Variants in HOOK3 observed in about 807,000 individuals in gnomAD.
HOOK3 encodes hook microtubule tethering protein 3, also known as protein Hook homolog 3.
A neutral mutation model predicts 116.3 loss-of-function variants in HOOK3; 24 were observed. The observed-to-expected ratio is 0.21, with a 90% CI of 0.15 to 0.29. HOOK3 has a LOEUF of 0.29. HOOK3 is among the 10% of genes least tolerant of loss of function. HOOK3 has a pLI of 1.00. For missense variants in HOOK3, 632 were observed against 830.2 expected (o/e 0.76, Z 2.93); for synonymous variants, 275 against 283.0 (o/e 0.97, Z 0.28).
intron 3 of HOOK3, among the ~76,000 whole-genome samples, chr8:42,925,978 T>G (rs1217945214): frequency 6.6e-6 from 1 of 152,212 alleles, no homozygotes; most frequent in African/African-American, 2.4e-5. Flanking sequence ...GAGTTAATAT[T>G]ATGCCAAGTA....
chr8:42,918,217 A>T (rs2130344301), intron 2 of HOOK3, among the ~76,000 whole-genome samples: 1 of 152,298 alleles, frequency 6.6e-6, no homozygotes, highest in South Asian at 2.1e-4. Context: ...GGATGATTGT[A>T]GTCCCAGCTA....
intron 8 of HOOK3, among the ~76,000 whole-genome samples, chr8:42,963,003 T>C (rs934889958): frequency 6.6e-6 from 1 of 151,944 alleles, no homozygotes. Flanking sequence ...GGTTTCACCA[T>C]GTTGGCCAGG....
At chr8:42,940,481 G>C (rs536991646) in intron 4 of HOOK3, among the ~76,000 whole-genome samples, 2 of 152,188 alleles carry the variant, frequency 1.3e-5, no homozygotes, top group East Asian at 3.9e-4. Flanking sequence ...GGAAAGAGAG[G>C]GAGAGGGAGA....
At chr8:42,986,608 C>A (rs1227659296) in intron 14 of HOOK3, 47 bp from the exon 15 acceptor site, 1 of 1,487,464 alleles carries the variant, frequency 6.7e-7, no homozygotes, top group South Asian at 1.2e-5. Flanking sequence ...TATTAATGCA[C>A]CAAATGACTG....
intron 3 of HOOK3, among the ~76,000 whole-genome samples, chr8:42,926,770 C>G (rs778150604): frequency 1.3e-5 from 2 of 152,202 alleles, no homozygotes; most frequent in Admixed American, 6.5e-5. Flanking sequence ...GTTACTTGCA[C>G]TCTATGTTAG....
chr8:42,897,116 G>A lies in HOOK3; in HGVS notation c.-16G>A. 2 of 1,243,170 alleles carry A rather than the reference G, an allele frequency of 1.6e-6. No homozygotes were observed. The highest frequency in any genetic ancestry group is 2.0e-6 in the Non-Finnish European group (2 of 988,900). 77.0% of individuals were successfully genotyped at this position (1,243,170 alleles called of 1,614,324 possible). On this transcript the variant is annotated 5_prime_UTR_variant, in exon 1 of 22. Transcript: ENST00000307602. ...TCTGGCCAGGCGGTAGGCGCTGCCT[G>A]GCCGCGGCGGGGAAGATGTTCAGCG...
In HOOK3 at chr8:42,964,320, T is replaced by C; in HGVS notation, c.625T>C (p.Leu209=). 2 of 1,614,090 alleles carry C rather than the reference T, an allele frequency of 1.2e-6. No individual in the cohort carries two copies. The highest frequency in any genetic ancestry group is 8.5e-7 in the Non-Finnish European group (1 of 1,179,982). Residue 209 remains leucine (L), a synonymous_variant, in exon 9 of 22, where the codon TTG becomes CTG. Transcript: ENST00000307602. ...TCCTATATTCCAACAGGTTGCAGCATTGCAGGAAGAGAAAAGTAGTTTGTT... is the reference window on the plus strand; with the variant it reads ...TCCTATATTCCAACAGGTTGCAGCACTGCAGGAAGAGAAAAGTAGTTTGTT... ...CHELDMQVAA[L]QEEKSSLLAE... is the part of the protein sequence containing the mutation.
intron 2 of HOOK3, among the ~76,000 whole-genome samples, chr8:42,913,059 G>C (rs188883429): frequency 6.6e-6 from 1 of 151,912 alleles, no homozygotes; most frequent in Non-Finnish European, 1.5e-5. Flanking sequence ...AGGTTCCTCC[G>C]TGTCTTTTTG....
At chr8:43,013,426 A>G (rs752332134) in intron 21 of HOOK3, 26 bp downstream of exon 21, 6 of 1,524,944 alleles carry the variant, frequency 3.9e-6, no homozygotes, top group Non-Finnish European at 5.3e-6. Flanking sequence ...TTTGGAGCAT[A>G]ATGAAAACTT....
intron 16 of HOOK3, chr8:43,000,856 T>G (rs1157309030): frequency 6.6e-6 from 1 of 152,246 alleles, no homozygotes; most frequent in East Asian, 1.9e-4. Flanking sequence ...CTACATATCT[T>G]CTCAGAGTTA....
At chr8:42,929,035 G>C (rs1010369432) in intron 3 of HOOK3, among the ~76,000 whole-genome samples, 5 of 152,148 alleles carry the variant, frequency 3.3e-5, no homozygotes, top group Non-Finnish European at 7.3e-5. Flanking sequence ...AACAGAGGGA[G>C]ACTCTGTCTC....
At chr8:42,962,423 T>C (rs1445981401) in intron 8 of HOOK3, among the ~76,000 whole-genome samples, 1 of 150,520 alleles carries the variant, frequency 6.6e-6, no homozygotes, top group Non-Finnish European at 1.5e-5. Context: ...TTTTTTTTTT[T>C]TGAAATAGAG....
chr8:42,919,010 C>T (rs1392005578), intron 2 of HOOK3, among the ~76,000 whole-genome samples: 1 of 150,412 alleles, frequency 6.6e-6, no homozygotes, highest in Non-Finnish European at 1.5e-5. Flanking sequence ...AGAGGCGCCC[C>T]CCACCTCCTG....
At chr8:42,960,685 A>G (rs1271021076) in intron 8 of HOOK3, among the ~76,000 whole-genome samples, 1 of 152,082 alleles carries the variant, frequency 6.6e-6, no homozygotes, top group Non-Finnish European at 1.5e-5. Context: ...TTGTCATCCA[A>G]CCTCAGCTCA....
chr8:42,950,960 C>T (rs372198171), intron 6 of HOOK3, among the ~76,000 whole-genome samples: 2 of 152,356 alleles, frequency 1.3e-5, no homozygotes, highest in South Asian at 4.1e-4. Flanking sequence ...GCTGGGATTA[C>T]AGGCGTGAGC....
chr8:42,987,552 A>G (rs535019354), intron 15 of HOOK3, among the ~76,000 whole-genome samples: 1 of 152,274 alleles, frequency 6.6e-6, no homozygotes, highest in Non-Finnish European at 1.5e-5. Context: ...TTGACAAAGC[A>G]TTTTTCTTCT....
chr8:42,934,354 CTA>C (rs1200891416), intron 4 of HOOK3, among the ~76,000 whole-genome samples: 1 of 151,982 alleles, frequency 6.6e-6, no homozygotes, highest in African/African-American at 2.4e-5. Context: ...TCTCTTATCT[CTA>C]TGAGAATATT....
At chr8:43,003,699 G>A (rs1180311922) in intron 17 of HOOK3, among the ~76,000 whole-genome samples, 5 of 152,178 alleles carry the variant, frequency 3.3e-5, no homozygotes, top group African/African-American at 1.2e-4. Context: ...CAGCAGGCTG[G>A]TTCCTTCTTG....
intron 1 of HOOK3, among the ~76,000 whole-genome samples, chr8:42,898,556 CTG>C (rs1378503147): frequency 8.5e-5 from 13 of 152,306 alleles, no homozygotes; most frequent in African/African-American, 3.1e-4. Flanking sequence ...TTGGCAGAAT[CTG>C]TACATCTGTA....
Sources: gnomAD v4.1 joint callset for allele counts (sites outside exome capture counted in the v4.1 genomes callset) on GRCh38, gnomAD v4.1.1 for gene constraint, MANE v1.5 for transcripts, NCBI Gene and HGNC (gene_info 2026-07-23, HGNC 2026-07-21) for gene names.